Variants in RBFOX1 observed in about 807,000 individuals in gnomAD.
RBFOX1 encodes the protein RNA binding fox-1 homolog 1, also known as RNA binding protein fox-1 homolog 1.
RBFOX1 carries 8 observed loss-of-function variants against 57.7 expected under a neutral mutation model. The ratio of observed to expected loss-of-function variants is 0.14; its 90% CI spans 0.08 to 0.25. RBFOX1 has a LOEUF of 0.25. RBFOX1 is among the 10% of genes least tolerant of loss of function. The pLI is 1.00. For synonymous variants in RBFOX1, 326 were observed against 222.4 expected (o/e 1.47, Z -4.15); for missense variants, 611 against 548.5 (o/e 1.11, Z -1.14).
chr16:7,025,456 T>G (rs1355051222), intron 3 of RBFOX1, among the ~76,000 whole-genome samples: 1 of 152,154 alleles, frequency 6.6e-6, no homozygotes, highest in Admixed American at 6.5e-5. Flanking sequence ...ATGCCTAACC[T>G]TCTGGGAATG....
At chr16:5,951,828 G>A (rs1171293212) in intron 4 of RBFOX1, among the ~76,000 whole-genome samples, 1 of 151,810 alleles carries the variant, frequency 6.6e-6, no homozygotes, top group Non-Finnish European at 1.5e-5. Context: ...TCTGGATTTT[G>A]CATTTTCCAA....
chr16:5,818,213 A>T (rs930061613), intron 3 of RBFOX1, among the ~76,000 whole-genome samples: 4 of 152,084 alleles, frequency 2.6e-5, no homozygotes, highest in African/African-American at 9.7e-5. Flanking sequence ...TCTGTATCTG[A>T]CTCAATGGTG....
chr16:6,353,649 A>G (rs1477806431), intron 2 of RBFOX1, among the ~76,000 whole-genome samples: 2 of 152,080 alleles, frequency 1.3e-5, no homozygotes, highest in African/African-American at 2.4e-5. Context: ...GGGGGCTTGT[A>G]TCTAAGGACC....
In RBFOX1 at chr16:6,568,610, C is replaced by A. The variant is rs1448951162; in HGVS notation, c.-63-85993C>A. ...CAGAAGATGGGGATTATCTCAGGGC[C>A]ATCTTGGGGGTTCATTCTCATGTAT... On this transcript the variant is annotated intron_variant, in intron 2 of 15. Transcript: ENST00000550418. Among the ~76,000 whole-genome samples, 26 of 152,046 alleles carry A rather than the reference C, an allele frequency of 1.7e-4. 1 individual carries two copies. The highest frequency in any genetic ancestry group is 1.6e-3 in the Admixed American group (25 of 15,258).
chr16:7,511,734 T>C (rs982182512), intron 4 of RBFOX1, among the ~76,000 whole-genome samples: 3 of 152,202 alleles, frequency 2.0e-5, no homozygotes, highest in African/African-American at 7.2e-5. Flanking sequence ...CAGGTTTCCA[T>C]CATCCTGCTG....
chr16:5,965,178 C>T (rs772972334), intron 4 of RBFOX1, among the ~76,000 whole-genome samples: 1 of 152,134 alleles, frequency 6.6e-6, no homozygotes, highest in Admixed American at 6.5e-5. Flanking sequence ...TTATACCACA[C>T]AGTATAAGTT....
At chr16:6,887,189 C>G (rs1455062893) in intron 3 of RBFOX1, among the ~76,000 whole-genome samples, 1 of 152,190 alleles carries the variant, frequency 6.6e-6, no homozygotes, top group East Asian at 1.9e-4. Context: ...TTTAGCACTT[C>G]TTCCTCCTCT....
At chr16:6,039,767 G>T (rs1352961289) in intron 1 of RBFOX1, among the ~76,000 whole-genome samples, 1 of 152,176 alleles carries the variant, frequency 6.6e-6, no homozygotes, top group Non-Finnish European at 1.5e-5. Flanking sequence ...ACAAATTAAT[G>T]CAAAACATAC....
Position 7,209,166 on chromosome 16 carries a change from T to TAAC in RBFOX1, c.27+157070_27+157071insCAA, listed in dbSNP as rs58512717. On this transcript the variant is annotated intron_variant, in intron 4 of 15. Transcript: ENST00000550418. ...AAAATAATAATAATAATAATAATAA[T>TAAC]AATAATAATAATAATAATAATTGCA... Among the ~76,000 whole-genome samples, 869 of 148,216 alleles carry TAAC rather than the reference T, an allele frequency of 5.9e-3. 23 individuals are homozygous for TAAC. Among genetic ancestry groups the TAAC allele is most frequent in the Admixed American group, 0.043 (633 of 14,794 alleles).
At chr16:7,534,379 C>T (rs1457062956) in intron 5 of RBFOX1, among the ~76,000 whole-genome samples, 1 of 152,038 alleles carries the variant, frequency 6.6e-6, no homozygotes, top group Non-Finnish European at 1.5e-5. Context: ...AGGCATGAAC[C>T]ACAGTGCACG....
chr16:6,899,645 A>T (rs768132913), intron 3 of RBFOX1, among the ~76,000 whole-genome samples: 1 of 152,176 alleles, frequency 6.6e-6, no homozygotes, highest in Non-Finnish European at 1.5e-5. Flanking sequence ...GGGAAGAATA[A>T]ACGTCCATAC....
At chr16:5,530,215 G>C in intron 2 of RBFOX1, among the ~76,000 whole-genome samples, 1 of 152,184 alleles carries the variant, frequency 6.6e-6, no homozygotes, top group Non-Finnish European at 1.5e-5. Flanking sequence ...CCGAGGTACA[G>C]CAAGACAACA....
chr16:6,271,421 TA>T (rs769835793), intron 1 of RBFOX1, among the ~76,000 whole-genome samples: 2 of 151,896 alleles, frequency 1.3e-5, no homozygotes, highest in Admixed American at 1.3e-4. Flanking sequence ...AGACCCTGTC[TA>T]AAAAACAAAC....
chr16:5,916,249 A>C (rs12443901), intron 4 of RBFOX1, among the ~76,000 whole-genome samples: 13,025 of 152,132 alleles, frequency 0.086, 863 homozygotes, highest in African/African-American at 0.18. Context: ...ACAGGTTGGA[A>C]AGCTTTATCC....
At chr16:6,029,158 C>T (rs528795355) in intron 1 of RBFOX1, among the ~76,000 whole-genome samples, 1 of 152,202 alleles carries the variant, frequency 6.6e-6, no homozygotes, top group African/African-American at 2.4e-5. Flanking sequence ...CAAAAGGTTC[C>T]CTAGTTAGTG....
At chr16:6,777,549 C>G (rs1181948847) in intron 3 of RBFOX1, among the ~76,000 whole-genome samples, 1 of 152,054 alleles carries the variant, frequency 6.6e-6, no homozygotes, top group Non-Finnish European at 1.5e-5. Context: ...AACTTTAGAC[C>G]TTGCAGGCCT....
At chr16:6,683,935 C>T (rs753344095) in intron 3 of RBFOX1, among the ~76,000 whole-genome samples, 5 of 152,198 alleles carry the variant, frequency 3.3e-5, no homozygotes, top group Admixed American at 6.5e-5. Context: ...ACATGTGTCA[C>T]GCAGTGGGTG....
chr16:6,063,252 C>T (rs2095711620), intron 1 of RBFOX1, among the ~76,000 whole-genome samples: 1 of 152,066 alleles, frequency 6.6e-6, no homozygotes, highest in Non-Finnish European at 1.5e-5. Flanking sequence ...GCCATGATCA[C>T]CACATGATAT....
intron 3 of RBFOX1, among the ~76,000 whole-genome samples, chr16:5,646,042 A>G (rs998887916): frequency 3.5e-5 from 5 of 144,070 alleles, no homozygotes; most frequent in African/African-American, 1.0e-4. Flanking sequence ...TTTTTTTTCT[A>G]TTTTTGAGAC....
Sources: allele counts gnomAD v4.1 joint callset (sites outside exome capture counted in the v4.1 genomes callset), GRCh38; gene constraint gnomAD v4.1.1; transcripts MANE v1.5; gene names NCBI Gene and HGNC (gene_info 2026-07-23, HGNC 2026-07-21).